PTPRN2: variants seen among roughly 807,000 people sequenced by gnomAD.
PTPRN2 encodes receptor-type tyrosine-protein phosphatase N2.
Under a neutral mutation model 118.8 loss-of-function variants are expected in PTPRN2, and 74 were observed. That is an observed-to-expected ratio of 0.62 (90% CI 0.52 to 0.76). The LOEUF (loss-of-function observed/expected upper bound fraction) is 0.76. Among genes scored for constraint, PTPRN2 ranks in the 30% least tolerant of loss-of-function variants. The pLI is 0.00. For missense variants in PTPRN2, 1,481 were observed against 1,394.4 expected, an observed-to-expected ratio of 1.06 and a Z score of -0.99; for synonymous variants, 641 against 608.0, an observed-to-expected ratio of 1.05 and a Z score of -0.80.
At chr7:158,200,407 C>G (rs1190496142) in intron 4 of PTPRN2, among the ~76,000 whole-genome samples, 1 of 152,194 alleles carries the variant, frequency 6.6e-6, no homozygotes, top group Non-Finnish European at 1.5e-5. Flanking sequence ...GCAGCAGAGC[C>G]TCAGAGCCTA....
chr7:158,579,065 G>GGGCT (rs1229371986), intron 1 of PTPRN2, among the ~76,000 whole-genome samples: 1 of 152,104 alleles, frequency 6.6e-6, no homozygotes, highest in Non-Finnish European at 1.5e-5. Flanking sequence ...GCCTGGCCAA[G>GGGCT]TCCCACTTCT....
chr7:157,542,028 G>C (rs748476332), intron 22 of PTPRN2, among the ~76,000 whole-genome samples: 15 of 152,176 alleles, frequency 9.9e-5, no homozygotes, highest in Non-Finnish European at 1.6e-4. Context: ...CTCAGGGTGG[G>C]ACCCGGGGAG....
intron 2 of PTPRN2, among the ~76,000 whole-genome samples, chr7:158,372,003 C>T (rs918252157): frequency 6.6e-6 from 1 of 152,238 alleles, no homozygotes; most frequent in Non-Finnish European, 1.5e-5. Context: ...CAGACACCCT[C>T]TGCCATCAGC....
At chr7:158,364,131 A>G (rs1809237122) in intron 2 of PTPRN2, among the ~76,000 whole-genome samples, 1 of 151,944 alleles carries the variant, frequency 6.6e-6, no homozygotes, top group Non-Finnish European at 1.5e-5. Context: ...TGCTTCCCCC[A>G]GCAGGGTCTG....
chr7:158,543,877 G>T (rs1423199955), intron 1 of PTPRN2, among the ~76,000 whole-genome samples: 1 of 152,246 alleles, frequency 6.6e-6, no homozygotes, highest in African/African-American at 2.4e-5. Flanking sequence ...TCCCGGCTAA[G>T]CTGCCTCTGC....
At chr7:158,273,823 G>C (rs1282683635) in intron 3 of PTPRN2, among the ~76,000 whole-genome samples, 7 of 45,012 alleles carry the variant, frequency 1.6e-4, no homozygotes, top group Non-Finnish European at 2.2e-4. Context: ...CCGCAGGCAT[G>C]GGGGAGCCGC....
intron 3 of PTPRN2, among the ~76,000 whole-genome samples, chr7:158,251,529 T>TG (rs535663499): frequency 6.9e-6 from 1 of 144,782 alleles, no homozygotes; most frequent in Non-Finnish European, 1.5e-5. Context: ...ATGGTGCATG[T>TG]GGGGGGTGTG....
At chr7:158,341,294 C>T (rs1465896422) in intron 2 of PTPRN2, among the ~76,000 whole-genome samples, 2 of 152,064 alleles carry the variant, frequency 1.3e-5, no homozygotes, top group African/African-American at 2.4e-5. Flanking sequence ...TAAGAGCCGA[C>T]GCCCATAGAC....
intron 12 of PTPRN2, among the ~76,000 whole-genome samples, chr7:157,786,452 C>A (rs1009781265): frequency 1.3e-5 from 2 of 152,242 alleles, no homozygotes; most frequent in Admixed American, 6.5e-5. Flanking sequence ...ATCTTCGTCC[C>A]ATTCACAAAG....
Position 157,674,260 on chromosome 7 carries a change from C to T in PTPRN2, c.2001+8465G>A, listed in dbSNP as rs573600506. On this transcript the variant is annotated intron_variant, in intron 13 of 22. Transcript: ENST00000389418. The surrounding 1 kb of genome is among the most constrained non-coding windows in gnomAD (Gnocchi z 4.5). ...TTGGGCCTGGGAGAGAAGAGACAGC[C>T]AGGCGGCGAGGGACTTGTCCTGTGG... Among the ~76,000 whole-genome samples the T allele has an allele frequency of 2.0e-5, 3 of 152,136 alleles. No homozygotes were observed. Among genetic ancestry groups the T allele is most frequent in the African/African-American group, 4.8e-5 (2 of 41,434 alleles).
chr7:158,311,518 TGTA>T (rs761923962), intron 3 of PTPRN2, among the ~76,000 whole-genome samples: 8 of 152,226 alleles, frequency 5.3e-5, no homozygotes, highest in Non-Finnish European at 1.0e-4. Context: ...TAATGCTGCC[TGTA>T]GTAGACAAGA....
chr7:157,945,785 G>A (rs575948825), intron 11 of PTPRN2, among the ~76,000 whole-genome samples: 7 of 145,014 alleles, frequency 4.8e-5, no homozygotes, highest in Middle Eastern at 3.5e-3. Flanking sequence ...GGACAATGCC[G>A]CCTTCCCACC....
At chr7:158,286,896 G>C (rs1052834478) in intron 3 of PTPRN2, among the ~76,000 whole-genome samples, 2 of 152,154 alleles carry the variant, frequency 1.3e-5, no homozygotes, top group Non-Finnish European at 2.9e-5. Flanking sequence ...CTCTTCTTCA[G>C]TTTTTTGGAA....
chr7:158,146,518 A>G (rs926607143), intron 6 of PTPRN2, among the ~76,000 whole-genome samples: 5 of 152,008 alleles, frequency 3.3e-5, no homozygotes, highest in African/African-American at 4.8e-5. Flanking sequence ...TCAGGAGATC[A>G]AGACCATCCT....
intron 12 of PTPRN2, among the ~76,000 whole-genome samples, chr7:157,819,361 T>C (rs899745885): frequency 2.1e-4 from 32 of 152,322 alleles, no homozygotes; most frequent in African/African-American, 7.5e-4. Flanking sequence ...GCTGGCTCTG[T>C]CGGCTCGAGT....
chr7:158,112,566 A>G (rs1425478837), intron 9 of PTPRN2, among the ~76,000 whole-genome samples: 2 of 152,190 alleles, frequency 1.3e-5, no homozygotes, highest in South Asian at 2.1e-4. Context: ...TGGCACTGGG[A>G]AAACACAAGA....
intron 2 of PTPRN2, among the ~76,000 whole-genome samples, chr7:158,403,939 C>T (rs1813144878): frequency 6.6e-6 from 1 of 152,184 alleles, no homozygotes; most frequent in African/African-American, 2.4e-5. Context: ...GTAAAAGTCA[C>T]AAGAAACACT....
At chr7:158,084,988 C>CCCACGACGCCCATCCACAT (rs1585383282) in intron 10 of PTPRN2, among the ~76,000 whole-genome samples, 1 of 127,194 alleles carries the variant, frequency 7.9e-6, no homozygotes, top group African/African-American at 3.0e-5. Context: ...CCCATCCACA[C>CCCACGACGCCCATCCACAT]GGATGCCCAT....
chr7:158,162,742 G>A (rs1031066633), intron 6 of PTPRN2, among the ~76,000 whole-genome samples: 12 of 152,194 alleles, frequency 7.9e-5, no homozygotes, highest in African/African-American at 2.9e-4. Flanking sequence ...TGTGAATTAT[G>A]AATAAGTGAA....
Sources: allele counts gnomAD v4.1 joint callset (sites outside exome capture counted in the v4.1 genomes callset), GRCh38; gene constraint gnomAD v4.1.1; non-coding constraint Gnocchi (gnomAD v3.1); transcripts MANE v1.5; gene names NCBI Gene and HGNC (gene_info 2026-07-23, HGNC 2026-07-21).